The following IGFBP1 variants were observed in gnomAD, a reference collection of about 807,000 sequenced individuals.
IGFBP1 encodes insulin like growth factor binding protein 1, also known as insulin-like growth factor-binding protein 1.
Under a neutral mutation model 23.1 loss-of-function variants are expected in IGFBP1, and 31 were observed. The ratio of observed to expected loss-of-function variants is 1.34; its 90% CI spans 1.01 to 1.81. The LOEUF (loss-of-function observed/expected upper bound fraction) is 1.81, where lower values mean the gene tolerates loss of function less well. Among genes scored for constraint, IGFBP1 ranks in the 40% most tolerant of loss-of-function variants. The pLI is 0.00. For missense variants in IGFBP1, 333 were observed against 342.2 expected (o/e 0.97, Z 0.21); for synonymous variants, 148 against 145.5 (o/e 1.02, Z -0.13).
chr7:45,892,858 G>A, intron 3 of IGFBP1, 102 bp from the exon 4 acceptor site: 8 of 1,121,556 alleles, frequency 7.1e-6, no homozygotes, highest in Non-Finnish European at 1.0e-5. Context: ...TCTTGGCTTG[G>A]CTCTGCAGTG....
intron 3 of IGFBP1, among the ~76,000 whole-genome samples, 159 bp downstream of exon 3, chr7:45,892,219 G>A (rs950958919): frequency 6.6e-6 from 1 of 152,212 alleles, no homozygotes; most frequent in Non-Finnish European, 1.5e-5. Flanking sequence ...ACCTGGAACA[G>A]CTAGGTGAAG....
chr7:45,891,573 CTCT>C (rs1433934969), intron 2 of IGFBP1, among the ~76,000 whole-genome samples: 1 of 152,216 alleles, frequency 6.6e-6, no homozygotes, highest in African/African-American at 2.4e-5. Flanking sequence ...GTTATGCCCA[CTCT>C]TCTAACCAGA....
At position 45,891,590 on chromosome 7, in the gene IGFBP1, C is replaced by G. The variant is rs779882023; in HGVS notation, c.520-342C>G. On this transcript the variant is annotated intron_variant, in intron 2 of 3. Coordinates refer to ENST00000275525, the MANE Select transcript of IGFBP1 (RefSeq NM_000596.4). ...TATGCCCACTCTTCTAACCAGATGGCGGGTGCCAAAAGTATTCAGTAGGTG... is the reference window on the plus strand; with the variant it reads ...TATGCCCACTCTTCTAACCAGATGGGGGGTGCCAAAAGTATTCAGTAGGTG... 5.2e-4 allele frequency among the ~76,000 whole-genome samples: 79 copies of G among 152,112 alleles called. 1 individual carries two copies. Among genetic ancestry groups the G allele is most frequent in the Admixed American group, 2.4e-3 (36 of 15,258 alleles).
At chr7:45,890,774 C>A in intron 2 of IGFBP1, 57 bp downstream of exon 2, 2 of 1,483,318 alleles carry the variant, frequency 1.3e-6, no homozygotes, top group South Asian at 1.3e-5. Context: ...TAGCTTGAGT[C>A]GGCTGTGACA....
In IGFBP1 at chr7:45,892,023, C is replaced by T. The variant is rs1321034000; in HGVS notation, c.611C>T (p.Pro204Leu). 3 of 1,614,198 alleles carry T rather than the reference C, an allele frequency of 1.9e-6. No homozygotes were observed. The highest frequency in any genetic ancestry group is 4.5e-5 in the East Asian group (2 of 44,890). ...GAAGAAATTTCCAAATTTTACCTGC[C>T]AAACTGCAACAAGAATGGATTTTAT... ...SGEEISKFYL[P>L]NCNKNGFYHS... Residue 204 changes from proline to leucine, a missense_variant, in exon 3 of 4, where the codon CCA (proline) becomes CTA (leucine). Coordinates refer to ENST00000275525, the MANE Select transcript of IGFBP1 (RefSeq NM_000596.4).
rs931193559 is a variant in IGFBP1 at position 45,888,898 on chromosome 7, C to T, written c.246C>T (p.Leu82=). The T allele has an allele frequency of 3.3e-6, 5 of 1,501,172 alleles. No individual in the cohort carries two copies. In the African/African-American group the frequency reaches 5.8e-5, roughly 17 times the overall value. 93.0% of individuals were successfully genotyped at this position (1,501,172 alleles called of 1,614,324 possible). A position where few individuals can be genotyped will look rare whatever the true frequency, so the allele number is the denominator to read the frequency against. Reference sequence around the variant, plus strand: ...CGACTGCACGCTGCGCCCGGGGACTCAGTTGCCGCGCGCTGCCGGGGGAGC... The same window carrying T: ...CGACTGCACGCTGCGCCCGGGGACTTAGTTGCCGCGCGCTGCCGGGGGAGC... ...GVATARCARG[L]SCRALPGEQQ... is the part of the protein sequence containing the mutation. The change falls in exon 1 of 4, where the codon CTC becomes CTT. Residue 82 remains leucine (L), a synonymous_variant. Transcript: ENST00000275525.
chr7:45,893,036 C>T lies in IGFBP1; in HGVS notation c.725C>T (p.Ser242Phe), dbSNP rs1179398441. The change falls in exon 4 of 4, where the codon TCT becomes TTT. Residue 242 changes from serine (S) to phenylalanine (F), a missense_variant. Transcript: ENST00000275525. ...TGGAATGGGAAGAGGATCCCTGGGT[C>T]TCCAGAGATCAGGGGAGACCCCAAC... Reference protein sequence around the residue: ...YPWNGKRIPGSPEIRGDPNCQ... With the variant: ...YPWNGKRIPGFPEIRGDPNCQ... 1 of 1,609,540 alleles carries T rather than the reference C, an allele frequency of 6.2e-7. No individual in the cohort carries two copies. Among genetic ancestry groups the T allele is most frequent in the African/African-American group, 1.3e-5 (1 of 74,926 alleles).
rs558992798 is a variant in IGFBP1 at position 45,888,835 on chromosome 7, G to A, written c.183G>A (p.Pro61=). ...GGTCCGCCGGCTGCGGCTGTTGCCC[G>A]ATGTGCGCCCTGCCTCTGGGCGCCG... ...VTRSAGCGCC[P]MCALPLGAAC... The change falls in exon 1 of 4, where the codon CCG becomes CCA. Residue 61 remains proline (P), a synonymous_variant. Coordinates refer to ENST00000275525, the MANE Select transcript of IGFBP1 (RefSeq NM_000596.4). 9.7e-6 allele frequency: 15 copies of A among 1,544,794 alleles called. No homozygotes were observed. The African/African-American group carries it at 2.1e-4, about 22-fold the overall frequency.
chr7:45,888,812 T>C lies in IGFBP1; in HGVS notation c.160T>C (p.Ser54Pro). The C allele has an allele frequency of 6.4e-7, 1 of 1,561,228 alleles. No individual in the cohort carries two copies. Among genetic ancestry groups the C allele is most frequent in the Non-Finnish European group, 8.6e-7 (1 of 1,162,168 alleles). ...CGCCTCGTGCTCGGAGGTCACCCGG[T>C]CCGCCGGCTGCGGCTGTTGCCCGAT... Reference protein sequence around the residue: ...VSASCSEVTRSAGCGCCPMCA... With the variant: ...VSASCSEVTRPAGCGCCPMCA... The change falls in exon 1 of 4, where the codon TCC becomes CCC. Residue 54 changes from serine (S) to proline (P), a missense_variant. By Grantham distance (74) the Ser-to-Pro change is moderately conservative (BLOSUM62 -1). Coordinates refer to ENST00000275525, the MANE Select transcript of IGFBP1 (RefSeq NM_000596.4).
Position 45,888,600 on chromosome 7 carries a change from C to A in IGFBP1, c.-53C>A. On this transcript the variant is annotated 5_prime_UTR_variant, in exon 1 of 4. Coordinates refer to ENST00000275525, the MANE Select transcript of IGFBP1 (RefSeq NM_000596.4). ...CTTGCCCAGAGTTTGGGCCACCGCC[C>A]GCCGCCACCAGCCCAGAGAGCATCG... 6.7e-7 allele frequency: 1 copy of A among 1,496,726 alleles called. No homozygotes were observed. Among genetic ancestry groups the A allele is most frequent in the African/African-American group, 1.4e-5 (1 of 72,734 alleles). 92.7% of individuals were successfully genotyped at this position (1,496,726 alleles called of 1,614,324 possible).
chr7:45,888,528 C>G lies in IGFBP1; in HGVS notation c.-125C>G. The G allele has an allele frequency of 1.3e-6, 1 of 781,924 alleles. No individual in the cohort carries two copies. The highest frequency in any genetic ancestry group is 2.9e-5 in the East Asian group (1 of 34,450). 48.4% of individuals were successfully genotyped at this position (781,924 alleles called of 1,614,324 possible). A position where few individuals can be genotyped will look rare whatever the true frequency, so the allele number is the denominator to read the frequency against. On this transcript the variant is annotated 5_prime_UTR_variant, in exon 1 of 4. Coordinates refer to ENST00000275525, the MANE Select transcript of IGFBP1 (RefSeq NM_000596.4). ...CCCATCCAGCGAGCATCTGCCGCCGCGCCGCCGCCACCCTCCCAGAGAGCA... is the reference window on the plus strand; with the variant it reads ...CCCATCCAGCGAGCATCTGCCGCCGGGCCGCCGCCACCCTCCCAGAGAGCA...
At chr7:45,892,455 CTT>C (rs1787093630) in intron 3 of IGFBP1, among the ~76,000 whole-genome samples, 1 of 152,206 alleles carries the variant, frequency 6.6e-6, no homozygotes. Flanking sequence ...GCTCTTAACA[CTT>C]TTTTCTCCTT....
In IGFBP1 at chr7:45,888,935, C is replaced by T; in HGVS notation, c.283C>T (p.His95Tyr). The change falls in exon 1 of 4, where the codon CAC (histidine) becomes TAC (tyrosine). Residue 95 changes from histidine to tyrosine, a missense_variant. Coordinates refer to ENST00000275525, the MANE Select transcript of IGFBP1 (RefSeq NM_000596.4). Reference protein sequence around the residue: ...RALPGEQQPLHALTRGQGACV... With the variant: ...RALPGEQQPLYALTRGQGACV... ...GCTGCCGGGGGAGCAGCAACCTCTG[C>T]ACGCCCTCACCCGCGGCCAAGGCGC... 6.6e-7 allele frequency: 1 copy of T among 1,522,566 alleles called. No individual in the cohort carries two copies. The highest frequency in any genetic ancestry group is 1.2e-5 in the South Asian group (1 of 82,888). The allele number at this position is 1,522,566 out of a possible 1,614,324, so 94.3% of individuals were successfully genotyped here. A position where few individuals can be genotyped will look rare whatever the true frequency, so the allele number is the denominator to read the frequency against.
chr7:45,888,994 T>C lies in IGFBP1; in HGVS notation c.342T>C (p.His114=). Reference sequence around the variant, plus strand: ...AGGAGTCTGACGCCTCCGCTCCCCATGCTGCAGGTACCACAGTCCCGCCCC... The same window carrying C: ...AGGAGTCTGACGCCTCCGCTCCCCACGCTGCAGGTACCACAGTCCCGCCCC... The part of the protein sequence containing the change: ...CVQESDASAP[H]AAEAGSPESP... Residue 114 remains histidine (H), a synonymous_variant, in exon 1 of 4, where the codon CAT becomes CAC. Coordinates refer to ENST00000275525, the MANE Select transcript of IGFBP1 (RefSeq NM_000596.4). 1 of 1,515,752 alleles carries C rather than the reference T, an allele frequency of 6.6e-7. No individual in the cohort carries two copies. Among genetic ancestry groups the C allele is most frequent in the South Asian group, 1.2e-5 (1 of 82,598 alleles). 93.9% of individuals were successfully genotyped at this position (1,515,752 alleles called of 1,614,324 possible).
chr7:45,891,761 G>A (rs998832715), intron 2 of IGFBP1, among the ~76,000 whole-genome samples, 171 bp from the exon 3 acceptor site: 1 of 152,186 alleles, frequency 6.6e-6, no homozygotes, highest in African/African-American at 2.4e-5. Flanking sequence ...CTAACTGCAG[G>A]TGGGAAAAAG....
rs775949573 is a variant in IGFBP1 at position 45,890,583 on chromosome 7, A to G, written c.385A>G (p.Ile129Val). 6.2e-7 allele frequency: 1 copy of G among 1,613,416 alleles called. No homozygotes were observed. Among genetic ancestry groups the G allele is most frequent in the South Asian group, 1.1e-5 (1 of 91,032 alleles). The stretch of plus-strand genomic sequence containing the variant: ...CCCTGAAAGCCCAGAGAGCACGGAG[A>G]TAACTGAGGAGGAGCTCCTGGATAA... Reference protein sequence around the residue: ...GSPESPESTEITEEELLDNFH... With the variant: ...GSPESPESTEVTEEELLDNFH... Residue 129 changes from isoleucine to valine, a missense_variant, in exon 2 of 4, where the codon ATA (isoleucine) becomes GTA (valine). Transcript: ENST00000275525.
At chr7:45,890,807 C>T in intron 2 of IGFBP1, 90 bp downstream of exon 2, 2 of 1,126,852 alleles carry the variant, frequency 1.8e-6, no homozygotes, top group Non-Finnish European at 2.5e-6. Context: ...CCACTCCTTC[C>T]TGGTCCTGAT....
In IGFBP1 at chr7:45,888,732, C is replaced by T; in HGVS notation, c.80C>T (p.Pro27Leu). 1 of 1,594,098 alleles carries T rather than the reference C, an allele frequency of 6.3e-7. No individual in the cohort carries two copies. Among genetic ancestry groups the T allele is most frequent in the Non-Finnish European group, 8.5e-7 (1 of 1,178,370 alleles). The change falls in exon 1 of 4, where the codon CCG becomes CTG. Residue 27 changes from proline (P) to leucine (L), a missense_variant. Coordinates refer to ENST00000275525, the MANE Select transcript of IGFBP1 (RefSeq NM_000596.4). ...TVQVGVTAGA[P>L]WQCAPCSAEK... ...CAGGTCGGCGTGACAGCCGGCGCTC[C>T]GTGGCAGTGCGCGCCCTGCTCCGCC... is the stretch of plus-strand genomic sequence containing the variant.
In IGFBP1 at chr7:45,893,603, ATGT is replaced by A. The variant is rs1278531238; in HGVS notation, c.*517_*519del. On this transcript the variant is annotated 3_prime_UTR_variant, in exon 4 of 4. Coordinates refer to ENST00000275525, the MANE Select transcript of IGFBP1 (RefSeq NM_000596.4). The stretch of plus-strand genomic sequence containing the variant: ...CCACCTGTTAAAATGTACACTGGAT[ATGT>A]TGTTAAACACGTGTCTATAATGGAA... 6.6e-6 allele frequency: 1 copy of A among 152,216 alleles called. No individual in the cohort carries two copies. Among genetic ancestry groups the A allele is most frequent in the Non-Finnish European group, 1.5e-5 (1 of 68,064 alleles). 9.4% of individuals were successfully genotyped at this position (152,216 alleles called of 1,614,324 possible).
Sources: allele counts gnomAD v4.1 joint callset (sites outside exome capture counted in the v4.1 genomes callset), GRCh38; gene constraint gnomAD v4.1.1; transcripts MANE v1.5; gene names NCBI Gene and HGNC (gene_info 2026-07-23, HGNC 2026-07-21).